Variants in CAMKMT observed in about 807,000 individuals in gnomAD.
CAMKMT encodes the protein calmodulin-lysine N-methyltransferase.
In CAMKMT, 53 loss-of-function variants were observed where a neutral mutation model predicts 48.0. The ratio of observed to expected loss-of-function variants is 1.10; its 90% confidence interval spans 0.89 to 1.39. The LOEUF (loss-of-function observed/expected upper bound fraction) is 1.39, where lower values mean the gene tolerates loss of function less well. Ranked by LOEUF, CAMKMT falls within the 40% of genes most tolerant of loss-of-function variation. The probability of loss-of-function intolerance (pLI) is 0.00; values close to 1 mark genes in which losing one functional copy is unlikely to be tolerated. For missense variants in CAMKMT, 428 were observed against 402.7 expected, an observed-to-expected ratio of 1.06 and a Z score of -0.54; for synonymous variants, 165 against 152.3, an observed-to-expected ratio of 1.08 and a Z score of -0.61.
chr2:44,757,216 G>A (rs1412454943), intron 9 of CAMKMT, among the ~76,000 whole-genome samples: 1 of 152,188 alleles, frequency 6.6e-6, no homozygotes, highest in Non-Finnish European at 1.5e-5. Flanking sequence ...TGGCTGATGG[G>A]ATGCCTGAGT....
intron 3 of CAMKMT, 84 bp from the exon 4 acceptor site, chr2:44,704,199 C>A (rs1191228146): frequency 2.0e-6 from 2 of 1,003,264 alleles, no homozygotes; most frequent in Non-Finnish European, 3.0e-6. Flanking sequence ...GTTGAAATAG[C>A]TTGTACTGAA....
intron 3 of CAMKMT, among the ~76,000 whole-genome samples, chr2:44,512,181 A>C (rs781007115): frequency 1.3e-5 from 2 of 152,162 alleles, no homozygotes; most frequent in Non-Finnish European, 2.9e-5. Flanking sequence ...CTGATGCTTG[A>C]CCATGTCTAT....
intron 3 of CAMKMT, among the ~76,000 whole-genome samples, chr2:44,430,720 G>A (rs1395333159): frequency 6.6e-6 from 1 of 151,954 alleles, no homozygotes; most frequent in Non-Finnish European, 1.5e-5. Context: ...TTTTTTTCCT[G>A]TGTTGGATTT....
intron 2 of CAMKMT, among the ~76,000 whole-genome samples, chr2:44,376,856 TTAC>T (rs1313647274): frequency 6.6e-6 from 1 of 152,164 alleles, no homozygotes; most frequent in Non-Finnish European, 1.5e-5. Context: ...AAAAGTTAGG[TTAC>T]AAAACTCCCA....
At position 44,640,924 on chromosome 2, in the gene CAMKMT, C is replaced by T. The variant is rs76907772; in HGVS notation, c.377-63359C>T. 3.3e-3 allele frequency among the ~76,000 whole-genome samples: 495 copies of T among 152,286 alleles called. 2 individuals carry two copies. The highest frequency in any genetic ancestry group is 0.012 in the African/African-American group (479 of 41,556). ...TGCTGCCTCTTGAAATCATGAGTTCCATGATCTTCCTGGGCTATATAGAAA... is the reference window on the plus strand; with the variant it reads ...TGCTGCCTCTTGAAATCATGAGTTCTATGATCTTCCTGGGCTATATAGAAA... On this transcript the variant is annotated intron_variant, in intron 3 of 10. Transcript: ENST00000378494.
At chr2:44,593,702 G>C (rs1042558704) in intron 3 of CAMKMT, among the ~76,000 whole-genome samples, 1 of 149,828 alleles carries the variant, frequency 6.7e-6, no homozygotes, top group African/African-American at 2.5e-5. Context: ...TCTAGTCACT[G>C]TTGCTCCAAC....
chr2:44,497,482 T>C (rs887360464), intron 3 of CAMKMT, among the ~76,000 whole-genome samples: 1 of 151,934 alleles, frequency 6.6e-6, no homozygotes. Flanking sequence ...GGATAACAGA[T>C]AAGAGAGAGT....
At chr2:44,399,328 C>A (rs1465909132) in intron 3 of CAMKMT, among the ~76,000 whole-genome samples, 1 of 152,102 alleles carries the variant, frequency 6.6e-6, no homozygotes, top group East Asian at 1.9e-4. Context: ...TACTTGGTGA[C>A]TTAATCAGAA....
At chr2:44,413,649 C>G (rs1683363876) in intron 3 of CAMKMT, among the ~76,000 whole-genome samples, 1 of 142,080 alleles carries the variant, frequency 7.0e-6, no homozygotes, top group South Asian at 2.2e-4. Context: ...GAGACTCCGT[C>G]TCAAAAAAAA....
chr2:44,663,146 C>T (rs979593603), intron 3 of CAMKMT, among the ~76,000 whole-genome samples: 1 of 152,040 alleles, frequency 6.6e-6, no homozygotes, highest in African/African-American at 2.4e-5. Context: ...TGGTATAATA[C>T]CATTATCTAA....
In CAMKMT at chr2:44,563,468, T is replaced by C. The variant is rs1021452579; in HGVS notation, c.377-140815T>C. Among the ~76,000 whole-genome samples, 39 of 151,104 alleles carry C rather than the reference T, an allele frequency of 2.6e-4. 2 individuals are homozygous for C. Among genetic ancestry groups the C allele is most frequent in the Non-Finnish European group, 5.3e-4 (36 of 67,626 alleles). ...AAGGGAGAGTATAGTCATTAGTTTC[T>C]TTTTTTTTATTATTATCCCCCATAC... On this transcript the variant is annotated intron_variant, in intron 3 of 10. Coordinates refer to ENST00000378494, the MANE Select transcript of CAMKMT (RefSeq NM_024766.5).
chr2:44,465,745 G>T (rs949487672), intron 3 of CAMKMT, among the ~76,000 whole-genome samples: 13 of 152,166 alleles, frequency 8.5e-5, no homozygotes, highest in Non-Finnish European at 1.9e-4. Context: ...AGAACAGAGA[G>T]TAGCTGATTT....
intron 7 of CAMKMT, among the ~76,000 whole-genome samples, chr2:44,716,172 CT>C (rs1375408876): frequency 6.6e-6 from 1 of 152,064 alleles, no homozygotes; most frequent in African/African-American, 2.4e-5. Context: ...TAATTGTTTT[CT>C]TTATTACTGT....
intron 3 of CAMKMT, among the ~76,000 whole-genome samples, chr2:44,643,024 T>C (rs370359196): frequency 6.6e-6 from 1 of 151,956 alleles, no homozygotes; most frequent in East Asian, 1.9e-4. Context: ...AGGGGAGGGG[T>C]AGGCAGACTG....
At chr2:44,488,363 G>A (rs545891133) in intron 3 of CAMKMT, among the ~76,000 whole-genome samples, 48 of 152,304 alleles carry the variant, frequency 3.2e-4, no homozygotes, top group Non-Finnish European at 5.7e-4. Flanking sequence ...AATTAGCTGA[G>A]TGTGGTGGCG....
chr2:44,541,399 C>G lies in CAMKMT; in HGVS notation c.376+151094C>G, dbSNP rs528415847. On this transcript the variant is annotated intron_variant, in intron 3 of 10. Coordinates refer to ENST00000378494, the MANE Select transcript of CAMKMT (RefSeq NM_024766.5). ...CAGAAGTCTTTAAAAATTTTCCTCA[C>G]TTAGGTTTTGCCATTTCTTTTTATG... 3.0e-3 allele frequency among the ~76,000 whole-genome samples: 462 copies of G among 152,200 alleles called. 2 individuals are homozygous for G. Among genetic ancestry groups the G allele is most frequent in the African/African-American group, 0.011 (446 of 41,536 alleles).
chr2:44,446,361 A>C (rs1173226601), intron 3 of CAMKMT, among the ~76,000 whole-genome samples: 1 of 151,836 alleles, frequency 6.6e-6, no homozygotes. Flanking sequence ...TTATTTATTT[A>C]TTTGAAACAC....
intron 3 of CAMKMT, among the ~76,000 whole-genome samples, chr2:44,594,286 T>C (rs1393997110): frequency 6.6e-6 from 1 of 152,198 alleles, no homozygotes; most frequent in Non-Finnish European, 1.5e-5. Flanking sequence ...ACCATTGACT[T>C]TCTTCACAGA....
At chr2:44,495,618 C>A (rs948324922) in intron 3 of CAMKMT, among the ~76,000 whole-genome samples, 1 of 152,184 alleles carries the variant, frequency 6.6e-6, no homozygotes, top group African/African-American at 2.4e-5. Context: ...AATGTTAATA[C>A]TGCCCTTTAT....
Sources: allele counts gnomAD v4.1 joint callset (sites outside exome capture counted in the v4.1 genomes callset), GRCh38; gene constraint gnomAD v4.1.1; transcripts MANE v1.5; gene names NCBI Gene and HGNC (gene_info 2026-07-23, HGNC 2026-07-21).